LHCGR: variants seen among roughly 807,000 people sequenced by gnomAD.
The protein encoded by LHCGR is luteinizing hormone/choriogonadotropin receptor.
LHCGR carries 55 observed loss-of-function variants against 60.7 expected under a neutral mutation model. The ratio of observed to expected loss-of-function variants is 0.91; its 90% CI spans 0.73 to 1.13. LHCGR has a LOEUF of 1.13. LHCGR is among the 50% of genes most tolerant of loss of function. The pLI is 0.00. For synonymous variants in LHCGR, 337 were observed against 316.5 expected (o/e 1.06, Z -0.69); for missense variants, 862 against 836.0 (o/e 1.03, Z -0.38).
intron 2 of LHCGR, 68 bp from the exon 3 acceptor site, chr2:48,729,295 G>C: frequency 1.7e-6 from 2 of 1,190,224 alleles, no homozygotes; most frequent in Non-Finnish European, 2.5e-6. Context: ...GCATGATTAT[G>C]AGCTATGTGT....
intron 8 of LHCGR, among the ~76,000 whole-genome samples, chr2:48,701,915 C>A (rs1326364590): frequency 1.3e-5 from 2 of 152,144 alleles, no homozygotes; most frequent in Non-Finnish European, 2.9e-5. Context: ...TATTGCTTTG[C>A]GTTTGTTGTT....
At chr2:48,689,278 G>A (rs1178099241) in intron 10 of LHCGR, among the ~76,000 whole-genome samples, 3 of 152,172 alleles carry the variant, frequency 2.0e-5, no homozygotes, top group South Asian at 2.1e-4. Flanking sequence ...TGGAAAACAA[G>A]TTTAGAAAGA....
At chr2:48,724,122 A>G (rs1668621819) in intron 4 of LHCGR, among the ~76,000 whole-genome samples, 2 of 152,226 alleles carry the variant, frequency 1.3e-5, no homozygotes, top group African/African-American at 4.8e-5. Flanking sequence ...CTTCAAGAAA[A>G]TTAATCTTTT....
At position 48,688,019 on chromosome 2, in the gene LHCGR, G is replaced by T. The variant is rs1679988065; in HGVS notation, c.1778C>A (p.Ala593Asp). Residue 593 changes from alanine (A) to aspartate (D), a missense_variant, in exon 11 of 11, where the codon GCC becomes GAC. Ala to Asp is a moderately radical substitution (Grantham distance 126). Coordinates refer to ENST00000294954, the MANE Select transcript of LHCGR (RefSeq NM_000233.4). The surrounding 1 kb of genome is among the most constrained non-coding windows in gnomAD (Gnocchi z 5.2). Reference sequence around the variant, plus strand: ...TACTGTGATAAGAGGTACTTTGAAGGCAGCTGAGATGGCAAAAAAAGAGAT... The same window carrying T: ...TACTGTGATAAGAGGTACTTTGAAGTCAGCTGAGATGGCAAAAAAAGAGAT... ...APISFFAISA[A>D]FKVPLITVTN... is the part of the protein sequence containing the mutation. 2.5e-6 allele frequency: 4 copies of T among 1,614,140 alleles called. No individual in the cohort carries two copies. The highest frequency in any genetic ancestry group is 3.4e-6 in the Non-Finnish European group (4 of 1,180,000).
chr2:48,752,232 C>T (rs1669987029), intron 1 of LHCGR, among the ~76,000 whole-genome samples: 1 of 152,182 alleles, frequency 6.6e-6, no homozygotes. Flanking sequence ...GCAGGCTTGT[C>T]AGTGATAAGC....
At chr2:48,725,292 G>A (rs1201183812) in intron 4 of LHCGR, among the ~76,000 whole-genome samples, 1 of 152,188 alleles carries the variant, frequency 6.6e-6, no homozygotes, top group Non-Finnish European at 1.5e-5. Context: ...CTTAACCCGT[G>A]ATGAGAGTCA....
intron 1 of LHCGR, among the ~76,000 whole-genome samples, chr2:48,746,954 G>A (rs1669735460): frequency 6.6e-6 from 1 of 152,146 alleles, no homozygotes; most frequent in African/African-American, 2.4e-5. Flanking sequence ...CAGTGACATT[G>A]CAGATATGCT....
chr2:48,737,519 T>A (rs1483663265), intron 1 of LHCGR, among the ~76,000 whole-genome samples: 1 of 152,234 alleles, frequency 6.6e-6, no homozygotes, highest in Admixed American at 6.5e-5. Flanking sequence ...CTTGCTTTCA[T>A]CTTAGAATAA....
At chr2:48,748,041 A>T (rs1202416644) in intron 1 of LHCGR, among the ~76,000 whole-genome samples, 1 of 152,176 alleles carries the variant, frequency 6.6e-6, no homozygotes, top group Non-Finnish European at 1.5e-5. Flanking sequence ...AAACACTCAG[A>T]GGAAGTTCAA....
At chr2:48,713,036 G>A (rs1390523550) in intron 7 of LHCGR, among the ~76,000 whole-genome samples, 1 of 152,194 alleles carries the variant, frequency 6.6e-6, no homozygotes, top group Non-Finnish European at 1.5e-5. Context: ...ACTTCAGACT[G>A]ACAGCATCAG....
At chr2:48,689,184 CAT>C (rs1558801734) in intron 10 of LHCGR, among the ~76,000 whole-genome samples, 2 of 150,760 alleles carry the variant, frequency 1.3e-5, no homozygotes, top group African/African-American at 4.9e-5. Context: ...TATATACACA[CAT>C]ATATATACTA....
At chr2:48,700,941 T>A (rs1246586231) in intron 8 of LHCGR, among the ~76,000 whole-genome samples, 3 of 152,008 alleles carry the variant, frequency 2.0e-5, no homozygotes, top group Non-Finnish European at 4.4e-5. Context: ...CAGAAGTCGA[T>A]AGTGGCAGGA....
intron 9 of LHCGR, among the ~76,000 whole-genome samples, chr2:48,698,326 A>C (rs1054790287): frequency 1.3e-5 from 2 of 152,226 alleles, no homozygotes; most frequent in Non-Finnish European, 2.9e-5. Context: ...TTGAGATGCC[A>C]GTTTTGTACT....
chr2:48,729,287 A>G (rs1250076444), intron 2 of LHCGR, 60 bp from the exon 3 acceptor site: 17 of 1,302,958 alleles, frequency 1.3e-5, no homozygotes, highest in Non-Finnish European at 1.9e-5. Flanking sequence ...CCGTGTCTGC[A>G]TGATTATGAG....
intron 1 of LHCGR, among the ~76,000 whole-genome samples, chr2:48,739,362 C>G (rs1003199964): frequency 6.6e-6 from 1 of 152,162 alleles, no homozygotes; most frequent in South Asian, 2.1e-4. Flanking sequence ...CACATGCACA[C>G]GTGTATTTAT....
intron 1 of LHCGR, among the ~76,000 whole-genome samples, chr2:48,746,267 C>T (rs1558898625): frequency 6.6e-6 from 1 of 152,166 alleles, no homozygotes; most frequent in Non-Finnish European, 1.5e-5. Context: ...GGGTCAGTCA[C>T]TTTTAAGTCT....
In LHCGR at chr2:48,688,391, G is replaced by A. The variant is rs1215419179; in HGVS notation, c.1406C>T (p.Thr469Ile). 3 of 1,614,048 alleles carry A rather than the reference G, an allele frequency of 1.9e-6. No individual in the cohort carries two copies. In the African/African-American group the frequency reaches 4.0e-5, roughly 22 times the overall value. The change falls in exon 11 of 11, where the codon ACC (threonine) becomes ATC (isoleucine). Residue 469 changes from threonine (T) to isoleucine (I), a missense_variant. Thr to Ile is a moderately conservative substitution (Grantham distance 89, BLOSUM62 -1). Transcript: ENST00000294954. The surrounding 1 kb of genome is among the most constrained non-coding windows in gnomAD (Gnocchi z 5.2). ...CTTTTGGTCCAGGTGAATAGCATAG[G>A]TGATGGTGTGCCATCTTTCTAGAGT... ...VITLERWHTI[T>I]YAIHLDQKLR...
rs752463921 is a variant in LHCGR, at chr2:48,688,347, T to G, written c.1450A>C (p.Ile484Leu). ...AGCCATCCTCCAAGCATAATCAGAA[T>G]GGCATGTCTTAATCGCAGCTTTTGG... is the stretch of plus-strand genomic sequence containing the variant. ...LDQKLRLRHAILIMLGGWLFS... is the reference protein window; with the variant it reads ...LDQKLRLRHALLIMLGGWLFS... The change falls in exon 11 of 11, where the codon ATT (isoleucine) becomes CTT (leucine). Residue 484 changes from isoleucine (I) to leucine (L), a missense_variant. Coordinates refer to ENST00000294954, the MANE Select transcript of LHCGR (RefSeq NM_000233.4). This position sits in a 1 kb window ranked among gnomAD's most constrained non-coding sequence, Gnocchi z 5.2. 18 of 1,614,038 alleles carry G rather than the reference T, an allele frequency of 1.1e-5. No individual in the cohort carries two copies. The East Asian group carries it at 4.0e-4, about 36-fold the overall frequency.
At chr2:48,718,993 A>G (rs1379522311) in intron 6 of LHCGR, among the ~76,000 whole-genome samples, 1 of 152,206 alleles carries the variant, frequency 6.6e-6, no homozygotes, top group African/African-American at 2.4e-5. Context: ...ATGTAATAAT[A>G]AAAAGGGTGA....
Sources: allele counts gnomAD v4.1 joint callset (sites outside exome capture counted in the v4.1 genomes callset), GRCh38; gene constraint gnomAD v4.1.1; non-coding constraint Gnocchi (gnomAD v3.1); transcripts MANE v1.5; gene names NCBI Gene and HGNC (gene_info 2026-07-23, HGNC 2026-07-21).